The following ANGPT2 variants were observed in gnomAD, a reference collection of about 807,000 sequenced individuals.
ANGPT2 encodes the protein angiopoietin 2.
A neutral mutation model predicts 62.9 loss-of-function variants in ANGPT2; 28 were observed. The observed-to-expected ratio is 0.44, with a 90% CI of 0.33 to 0.61. The LOEUF (loss-of-function observed/expected upper bound fraction) is 0.61. Ranked by LOEUF, ANGPT2 falls within the 20% of genes least tolerant of loss-of-function variation. The pLI, the probability that ANGPT2 is intolerant of heterozygous loss-of-function variation, is 0.03. For synonymous variants in ANGPT2, 284 were observed against 207.8 expected, an observed-to-expected ratio of 1.37 and a Z score of -3.15; for missense variants, 727 against 594.9, an observed-to-expected ratio of 1.22 and a Z score of -2.31.
At chr8:6,504,545 T>G (rs966390700) in intron 8 of ANGPT2, among the ~76,000 whole-genome samples, 3 of 152,148 alleles carry the variant, frequency 2.0e-5, no homozygotes. Context: ...TAACGCTTAT[T>G]TGACTTAATA....
At chr8:6,514,480 C>T (rs572089684) in intron 6 of ANGPT2, among the ~76,000 whole-genome samples, 197 bp downstream of exon 6, 114 of 152,324 alleles carry the variant, frequency 7.5e-4, no homozygotes, top group African/African-American at 2.5e-3. Context: ...TGAGCCAGCA[C>T]GTCTGGCTGC....
intron 4 of ANGPT2, 62 bp downstream of exon 4, chr8:6,521,116 T>G: frequency 7.2e-7 from 1 of 1,386,368 alleles, no homozygotes; most frequent in Non-Finnish European, 1.0e-6. Flanking sequence ...TTTTTTAGTC[T>G]TTTGAGTGTT....
intron 3 of ANGPT2, among the ~76,000 whole-genome samples, chr8:6,523,216 C>G (rs1817696317): frequency 1.3e-5 from 2 of 152,122 alleles, no homozygotes; most frequent in Non-Finnish European, 1.5e-5. Context: ...CCAGGGTGGT[C>G]TCGATCTCCT....
Position 6,503,265 on chromosome 8 carries a change from T to G in ANGPT2, c.1328-4A>C, listed in dbSNP as rs1346444235. 1.2e-6 allele frequency: 2 copies of G among 1,613,860 alleles called. No homozygotes were observed. Among genetic ancestry groups the G allele is most frequent in the South Asian group, 2.2e-5 (2 of 91,050 alleles). On this transcript the variant is annotated splice_region_variant and splice_polypyrimidine_tract_variant and intron_variant, in intron 8 of 8. Transcript: ENST00000629816. Reference sequence around the variant, plus strand: ...CCACATGCATCAAACCACCAGCCTGTGAAAGTAAAACACAGAAGGAATTAG... The same window carrying G: ...CCACATGCATCAAACCACCAGCCTGGGAAAGTAAAACACAGAAGGAATTAG...
chr8:6,547,712 T>A (rs1822852321), intron 1 of ANGPT2, among the ~76,000 whole-genome samples: 1 of 152,006 alleles, frequency 6.6e-6, no homozygotes, highest in Non-Finnish European at 1.5e-5. Context: ...GCAGCAACAC[T>A]GGTTCACACA....
At chr8:6,550,254 C>G (rs1484229355) in intron 1 of ANGPT2, among the ~76,000 whole-genome samples, 1 of 152,118 alleles carries the variant, frequency 6.6e-6, no homozygotes, top group Non-Finnish European at 1.5e-5. Context: ...GTCACTGATG[C>G]GCAGCTCAGG....
rs990607659 is a variant in ANGPT2, at chr8:6,521,219, T to A, written c.758A>T (p.Glu253Val). 1.2e-6 allele frequency: 2 copies of A among 1,613,920 alleles called. No homozygotes were observed. Among genetic ancestry groups the A allele is most frequent in the Non-Finnish European group, 1.7e-6 (2 of 1,179,928 alleles). Reference protein sequence around the residue: ...VLQKQQHDLMETVNNLLTMMS... With the variant: ...VLQKQQHDLMVTVNNLLTMMS... ...CATAGTCAGTAAGTTATTAACTGTC[T>A]CCATGAGATCATGTTGCTGCTTCTG... The change falls in exon 4 of 9, where the codon GAG (glutamate) becomes GTG (valine). Residue 253 changes from glutamate (E) to valine (V), a missense_variant. Transcript: ENST00000629816.
rs1397851873 is a variant in ANGPT2, at chr8:6,509,049, C to G, written c.1210G>C (p.Gly404Arg). 6.2e-7 allele frequency: 1 copy of G among 1,614,010 alleles called. No homozygotes were observed. The highest frequency in any genetic ancestry group is 8.5e-7 in the Non-Finnish European group (1 of 1,180,004). ...ATTTTGCCGGCTGTCCCTGTAAGTCCTTTAAGGTGAATCCTGTAAGCGTGC... is the reference window on the plus strand; with the variant it reads ...ATTTTGCCGGCTGTCCCTGTAAGTCGTTTAAGGTGAATCCTGTAAGCGTGC... ...EELNYRIHLK[G>R]LTGTAGKISS... Residue 404 changes from glycine (G) to arginine (R), a missense_variant, in exon 8 of 9, where the codon GGA becomes CGA. Coordinates refer to ENST00000629816, the MANE Select transcript of ANGPT2 (RefSeq NM_001118887.2).
At chr8:6,547,587 AG>A (rs1822829442) in intron 1 of ANGPT2, among the ~76,000 whole-genome samples, 1 of 152,240 alleles carries the variant, frequency 6.6e-6, no homozygotes, top group African/African-American at 2.4e-5. Flanking sequence ...GGACCACCGT[AG>A]AATGGCTGAC....
intron 1 of ANGPT2, among the ~76,000 whole-genome samples, chr8:6,535,397 C>T (rs1245289749): frequency 1.3e-5 from 2 of 152,140 alleles, no homozygotes; most frequent in Non-Finnish European, 2.9e-5. Flanking sequence ...TCTTAACCTG[C>T]CATATTGTTT....
At chr8:6,559,240 C>CACACACAT (rs1380569826) in intron 1 of ANGPT2, among the ~76,000 whole-genome samples, 13 of 151,608 alleles carry the variant, frequency 8.6e-5, no homozygotes, top group Non-Finnish European at 1.8e-4. Flanking sequence ...AACACACACA[C>CACACACAT]ACACACACAC....
intron 1 of ANGPT2, among the ~76,000 whole-genome samples, chr8:6,558,760 T>G (rs929860642): frequency 2.0e-5 from 3 of 152,192 alleles, no homozygotes; most frequent in Non-Finnish European, 4.4e-5. Flanking sequence ...TAATCCAGTA[T>G]GTCAGACAAC....
At chr8:6,521,037 C>T (rs1817237125) in intron 4 of ANGPT2, 141 bp downstream of exon 4, 1 of 630,302 alleles carries the variant, frequency 1.6e-6, no homozygotes, top group South Asian at 2.2e-5. Flanking sequence ...TCTCTTCTTC[C>T]TTCATTTTAA....
intron 5 of ANGPT2, 47 bp from the exon 6 acceptor site, chr8:6,514,825 C>T (rs747374764): frequency 3.3e-6 from 5 of 1,522,090 alleles, no homozygotes; most frequent in East Asian, 2.3e-5. Context: ...CCCCCACTCC[C>T]CCCTTACGTA....
chr8:6,510,152 T>C (rs1420780539), intron 7 of ANGPT2, among the ~76,000 whole-genome samples: 1 of 107,024 alleles, frequency 9.3e-6, no homozygotes, highest in Admixed American at 8.0e-5. Flanking sequence ...TTTGAGGTTG[T>C]TTTTTCTTTT....
chr8:6,559,060 A>G (rs1332572826), intron 1 of ANGPT2, among the ~76,000 whole-genome samples: 2 of 152,278 alleles, frequency 1.3e-5, no homozygotes, highest in East Asian at 3.9e-4. Context: ...ACCACTCAGG[A>G]TGTAGCCAGC....
At chr8:6,521,060 T>C (rs1817241699) in intron 4 of ANGPT2, 118 bp downstream of exon 4, 2 of 692,666 alleles carry the variant, frequency 2.9e-6, no homozygotes, top group Admixed American at 5.9e-5. Flanking sequence ...GGTAGATATT[T>C]CATATGAAAT....
chr8:6,542,710 G>C (rs1234884838), intron 1 of ANGPT2, among the ~76,000 whole-genome samples: 1 of 151,844 alleles, frequency 6.6e-6, no homozygotes, highest in Admixed American at 6.6e-5. Context: ...CCCTGTTTTT[G>C]CTGTCTCTTT....
intron 2 of ANGPT2, among the ~76,000 whole-genome samples, chr8:6,530,367 G>A (rs1384731185): frequency 1.3e-5 from 2 of 152,048 alleles, no homozygotes; most frequent in African/African-American, 4.8e-5. Context: ...AATTTAGCCA[G>A]GTGTGGTAGC....
Sources: allele counts gnomAD v4.1 joint callset (sites outside exome capture counted in the v4.1 genomes callset), GRCh38; gene constraint gnomAD v4.1.1; transcripts MANE v1.5; gene names NCBI Gene and HGNC (gene_info 2026-07-23, HGNC 2026-07-21).